SLC17A1: variants seen among roughly 807,000 people sequenced by gnomAD.
SLC17A1 encodes solute carrier family 17 member 1.
In SLC17A1, 51 loss-of-function variants were observed where a neutral mutation model predicts 53.5. That is an observed-to-expected ratio of 0.95 (90% CI 0.76 to 1.20). The LOEUF (loss-of-function observed/expected upper bound fraction) is 1.20, where lower values mean the gene tolerates loss of function less well. SLC17A1 is among the 50% of genes most tolerant of loss of function. The pLI is 0.00. For missense variants in SLC17A1, 538 were observed against 568.2 expected, an observed-to-expected ratio of 0.95 and a Z score of 0.54; for synonymous variants, 179 against 198.8, an observed-to-expected ratio of 0.90 and a Z score of 0.84.
chr6:25,754,199 A>T, the SLC17A1 span, among the ~76,000 whole-genome samples: 1 of 152,172 alleles, frequency 6.6e-6, no homozygotes, highest in African/African-American at 2.4e-5. Flanking sequence ...GCAAATATGT[A>T]TGAGTCTTCT....
At chr6:25,771,854 G>C in the SLC17A1 span, among the ~76,000 whole-genome samples, 7 of 152,124 alleles carry the variant, frequency 4.6e-5, no homozygotes, top group African/African-American at 1.7e-4. Context: ...GCTGCAGAAA[G>C]GTTCCAAAGA....
chr6:25,749,321 A>G, the SLC17A1 span, among the ~76,000 whole-genome samples: 3 of 152,226 alleles, frequency 2.0e-5, no homozygotes, highest in African/African-American at 7.2e-5. Flanking sequence ...GATTCCATAC[A>G]ACACGTTTTT....
chr6:25,786,086 G>T (rs1214403016), intron 12 of SLC17A1, among the ~76,000 whole-genome samples: 1 of 152,140 alleles, frequency 6.6e-6, no homozygotes, highest in Non-Finnish European at 1.5e-5. Context: ...GCTCCTCAGT[G>T]GATTAATGTA....
At chr6:25,761,857 C>T in the SLC17A1 span, 1 of 872,826 alleles carries the variant, frequency 1.1e-6, no homozygotes, top group South Asian at 1.9e-5. Flanking sequence ...GCTCCTAGTT[C>T]TTAGAAAGAA....
Position 25,811,477 on chromosome 6 carries a change from T to C in SLC17A1, c.1099A>G (p.Ile367Val), listed in dbSNP as rs1338641679. ...GTTGCACCAGCAAGTATTAGGAAAA[T>C]GACAATGCTGTAGAAGGTGGAACTC... ...YLSSTFYSIVIFLILAGATGS... is the reference protein window; with the variant it reads ...YLSSTFYSIVVFLILAGATGS... The change falls in exon 10 of 13, where the codon ATT (isoleucine) becomes GTT (valine). Residue 367 changes from isoleucine to valine, a missense_variant. By Grantham distance (29) the Ile-to-Val change is conservative. Transcript: ENST00000244527. The C allele has an allele frequency of 6.2e-7, 1 of 1,613,772 alleles. No homozygotes were observed.
At chr6:25,777,881 C>A in the SLC17A1 span, 3 of 1,509,992 alleles carry the variant, frequency 2.0e-6, no homozygotes, top group South Asian at 3.4e-5. Flanking sequence ...GACTTTCAAA[C>A]GTAGGTATAC....
In SLC17A1 at chr6:25,819,803, G is replaced by A. The variant is rs1190545058; in HGVS notation, c.320C>T (p.Thr107Ile). 1 of 1,614,090 alleles carries A rather than the reference G, an allele frequency of 6.2e-7. No homozygotes were observed. Among genetic ancestry groups the A allele is most frequent in the South Asian group, 1.1e-5 (1 of 91,086 alleles). ...PVGYFSGIYSTKKMIGFALCL... is the reference protein window; with the variant it reads ...PVGYFSGIYSIKKMIGFALCL... Reference sequence around the variant, plus strand: ...TAATGCAAAGCCAATCATTTTCTTTGTAGAATATATTCCAGAGAAGTATCC... The same window carrying A: ...TAATGCAAAGCCAATCATTTTCTTTATAGAATATATTCCAGAGAAGTATCC... The change falls in exon 4 of 13, where the codon ACA (threonine) becomes ATA (isoleucine). Residue 107 changes from threonine to isoleucine, a missense_variant. Transcript: ENST00000244527.
intron 8 of SLC17A1, 45 bp downstream of exon 8, chr6:25,812,786 A>AGAGTC: frequency 6.9e-7 from 1 of 1,445,554 alleles, no homozygotes; most frequent in Non-Finnish European, 9.5e-7. Flanking sequence ...AAATGTACAC[A>AGAGTC]GAGTCTTTCG....
chr6:25,818,929 T>G, intron 6 of SLC17A1, 139 bp downstream of exon 6: 1 of 596,700 alleles, frequency 1.7e-6, no homozygotes, highest in Non-Finnish European at 2.9e-6. Flanking sequence ...TTAATGAGTA[T>G]TGACTTCTCT....
the SLC17A1 span, among the ~76,000 whole-genome samples, chr6:25,747,065 C>A: frequency 6.6e-6 from 1 of 152,164 alleles, no homozygotes; most frequent in African/African-American, 2.4e-5. Context: ...AGTTCACCAA[C>A]AATATCACCA....
chr6:25,730,755 T>A, the SLC17A1 span, among the ~76,000 whole-genome samples: 6 of 152,286 alleles, frequency 3.9e-5, no homozygotes, highest in East Asian at 9.6e-4. Flanking sequence ...TTTGTCAATT[T>A]AAAAAATGAA....
chr6:25,774,322 G>C, the SLC17A1 span, among the ~76,000 whole-genome samples: 1 of 152,162 alleles, frequency 6.6e-6, no homozygotes, highest in African/African-American at 2.4e-5. Flanking sequence ...CTTAAAAGTG[G>C]CTATCAGATT....
the SLC17A1 span, chr6:25,768,434 G>A: frequency 1.0e-6 from 1 of 974,616 alleles, no homozygotes; most frequent in Non-Finnish European, 1.2e-6. Context: ...AGCAAATTTT[G>A]TGTAAGCATA....
chr6:25,769,135 C>T, the SLC17A1 span: 1 of 1,613,990 alleles, frequency 6.2e-7, no homozygotes, highest in Non-Finnish European at 8.5e-7. Flanking sequence ...ACAGAACGGC[C>T]CTCCACTGAC....
the SLC17A1 span, chr6:25,770,001 A>C: frequency 1.4e-6 from 2 of 1,462,840 alleles, no homozygotes. Flanking sequence ...TTGCCTCTCA[A>C]GTCCTCACAA....
At chr6:25,770,169 A>C in the SLC17A1 span, 2 of 1,614,020 alleles carry the variant, frequency 1.2e-6, no homozygotes, top group Non-Finnish European at 1.7e-6. Context: ...TGTGGCTGGA[A>C]TATTTGGAGC....
chr6:25,784,360 G>T (rs1763333445), intron 12 of SLC17A1, among the ~76,000 whole-genome samples: 1 of 152,140 alleles, frequency 6.6e-6, no homozygotes, highest in Non-Finnish European at 1.5e-5. Flanking sequence ...GGTTCTGCAG[G>T]CTGTACAAGA....
the SLC17A1 span, among the ~76,000 whole-genome samples, chr6:25,747,657 G>A: frequency 6.6e-6 from 1 of 152,202 alleles, no homozygotes; most frequent in South Asian, 2.1e-4. Flanking sequence ...GATTCCTCAT[G>A]AATGAGATTA....
intron 12 of SLC17A1, among the ~76,000 whole-genome samples, chr6:25,785,618 A>G (rs775977960): frequency 7.2e-5 from 11 of 152,150 alleles, no homozygotes; most frequent in African/African-American, 1.2e-4. Context: ...TATCCAATAC[A>G]CTCTTATAAC....
Sources: allele counts gnomAD v4.1 joint callset (sites outside exome capture counted in the v4.1 genomes callset), GRCh38; gene constraint gnomAD v4.1.1; transcripts MANE v1.5; gene names NCBI Gene and HGNC (gene_info 2026-07-23, HGNC 2026-07-21).